Variants in CMSS1 observed in about 807,000 individuals in gnomAD.
The protein encoded by CMSS1 is protein CMSS1.
CMSS1 carries 33 observed loss-of-function variants against 43.5 expected under a neutral mutation model. The observed-to-expected ratio is 0.76, with a 90% CI of 0.57 to 1.01. The LOEUF (loss-of-function observed/expected upper bound fraction) is 1.01, where lower values mean the gene tolerates loss of function less well. Ranked by LOEUF, CMSS1 falls within the 50% of genes least tolerant of loss-of-function variation. The pLI is 0.00. For missense variants in CMSS1, 313 were observed against 326.4 expected, an observed-to-expected ratio of 0.96 and a Z score of 0.32; for synonymous variants, 115 against 117.2, an observed-to-expected ratio of 0.98 and a Z score of 0.12.
At chr3:100,173,915 G>A (rs1276488705) in intron 8 of CMSS1, among the ~76,000 whole-genome samples, 6 of 152,098 alleles carry the variant, frequency 3.9e-5, no homozygotes, top group Admixed American at 1.3e-4. Context: ...TTCTTTGTGC[G>A]AACAACAGGG....
intron 1 of CMSS1, chr3:99,848,950 T>TCTA: frequency 6.2e-7 from 1 of 1,614,154 alleles, no homozygotes; most frequent in African/African-American, 1.3e-5. Context: ...TTGTACATGG[T>TCTA]CTGGAGTAAC....
At chr3:99,924,570 G>C (rs1374788371) in intron 1 of CMSS1, among the ~76,000 whole-genome samples, 1 of 152,184 alleles carries the variant, frequency 6.6e-6, no homozygotes, top group African/African-American at 2.4e-5. Context: ...CCAGGCTGGA[G>C]TGCAATGGCG....
chr3:99,930,080 T>G (rs751971239), intron 1 of CMSS1: 6 of 1,458,992 alleles, frequency 4.1e-6, no homozygotes, highest in Non-Finnish European at 5.5e-6. Flanking sequence ...ACCAGCAGTC[T>G]CAGCAAGTGA....
At position 99,862,485 on chromosome 3, in the gene CMSS1, C is replaced by T. The variant is rs151038751; in HGVS notation, c.64+44442C>T. ...GTCATTTTAGGTCAGAGTTTCTCAG[C>T]CTTAGCATTGTTGACATTTTGGTTA... On this transcript the variant is annotated intron_variant, in intron 1 of 9. Transcript: ENST00000421999. 4.5e-3 allele frequency among the ~76,000 whole-genome samples: 686 copies of T among 152,292 alleles called. 7 individuals carry two copies. Among genetic ancestry groups the T allele is most frequent in the African/African-American group, 0.016 (672 of 41,558 alleles).
chr3:99,917,030 A>C (rs1252520759), intron 1 of CMSS1, among the ~76,000 whole-genome samples: 1 of 152,244 alleles, frequency 6.6e-6, no homozygotes, highest in South Asian at 2.1e-4. Context: ...ATTCCTCTTT[A>C]TATTTTTTAG....
At chr3:100,036,862 G>T (rs938371055) in intron 1 of CMSS1, among the ~76,000 whole-genome samples, 3 of 152,094 alleles carry the variant, frequency 2.0e-5, no homozygotes, top group Non-Finnish European at 4.4e-5. Flanking sequence ...TTGATATTAC[G>T]CAGTGAGAAA....
intron 1 of CMSS1, among the ~76,000 whole-genome samples, chr3:100,061,979 C>T (rs2065574644): frequency 6.6e-6 from 1 of 151,994 alleles, no homozygotes; most frequent in East Asian, 1.9e-4. Flanking sequence ...GACTACTACC[C>T]ATCTCCACAA....
intron 1 of CMSS1, among the ~76,000 whole-genome samples, chr3:99,935,265 C>CAAAA (rs34961153): frequency 4.2e-5 from 6 of 143,934 alleles, no homozygotes; most frequent in African/African-American, 1.5e-4. Flanking sequence ...TTCAGGGTAC[C>CAAAA]AAAAAAAAAA....
At chr3:99,824,278 G>A (rs1469297875) in intron 1 of CMSS1, among the ~76,000 whole-genome samples, 1 of 152,090 alleles carries the variant, frequency 6.6e-6, no homozygotes, top group East Asian at 1.9e-4. Flanking sequence ...TCAGAGTGGC[G>A]CTTCCTGATC....
chr3:100,098,265 A>C (rs1290435176), intron 1 of CMSS1, among the ~76,000 whole-genome samples: 1 of 152,216 alleles, frequency 6.6e-6, no homozygotes, highest in Non-Finnish European at 1.5e-5. Context: ...CTTCAGTAGA[A>C]GGAGGTAACG....
At chr3:100,091,999 T>C (rs181809317) in intron 1 of CMSS1, among the ~76,000 whole-genome samples, 22 of 152,322 alleles carry the variant, frequency 1.4e-4, no homozygotes, top group African/African-American at 5.1e-4. Context: ...AGTTGCTTGA[T>C]CTCTCTGGAC....
intron 1 of CMSS1, among the ~76,000 whole-genome samples, chr3:100,106,625 G>A (rs186238311): frequency 6.6e-6 from 1 of 152,254 alleles, no homozygotes; most frequent in East Asian, 1.9e-4. Flanking sequence ...GTGTTTCCCT[G>A]GTAAGGGCTG....
chr3:100,094,878 C>T (rs573713182), intron 1 of CMSS1, among the ~76,000 whole-genome samples: 4 of 151,674 alleles, frequency 2.6e-5, no homozygotes, highest in East Asian at 1.9e-4. Flanking sequence ...TTAGTAGAGA[C>T]GGGGTTTTAT....
intron 1 of CMSS1, among the ~76,000 whole-genome samples, chr3:99,896,500 A>G (rs550885625): frequency 4.1e-4 from 62 of 152,320 alleles, no homozygotes; most frequent in Non-Finnish European, 6.8e-4. Flanking sequence ...GAGGCTTCAT[A>G]CAGAGTCCTT....
chr3:99,942,597 C>T (rs543447749), intron 1 of CMSS1, among the ~76,000 whole-genome samples: 50 of 152,216 alleles, frequency 3.3e-4, no homozygotes, highest in African/African-American at 1.2e-3. Context: ...TTTGGGAGAC[C>T]GAGGCGGGCG....
At chr3:100,149,803 G>C (rs1434162795) in intron 2 of CMSS1, among the ~76,000 whole-genome samples, 1 of 152,130 alleles carries the variant, frequency 6.6e-6, no homozygotes, top group Non-Finnish European at 1.5e-5. Context: ...ATGAAGGAAT[G>C]AATGACCATA....
At chr3:99,860,887 T>C (rs1297967715) in intron 1 of CMSS1, among the ~76,000 whole-genome samples, 5 of 152,216 alleles carry the variant, frequency 3.3e-5, no homozygotes, top group Admixed American at 3.3e-4. Flanking sequence ...ACCGTGAATA[T>C]TGTGCCTCTC....
chr3:100,115,905 C>G (rs923584558), intron 1 of CMSS1, among the ~76,000 whole-genome samples: 1 of 152,090 alleles, frequency 6.6e-6, no homozygotes. Context: ...TGCCTTGTCT[C>G]TACGTTCCTT....
At chr3:100,075,402 T>C (rs2065834510) in intron 1 of CMSS1, among the ~76,000 whole-genome samples, 1 of 152,174 alleles carries the variant, frequency 6.6e-6, no homozygotes, top group Non-Finnish European at 1.5e-5. Flanking sequence ...CGAGCAGAGA[T>C]TCCACTTTTA....
Sources: gnomAD v4.1 joint callset for allele counts (sites outside exome capture counted in the v4.1 genomes callset) on GRCh38, gnomAD v4.1.1 for gene constraint, MANE v1.5 for transcripts, NCBI Gene and HGNC (gene_info 2026-07-23, HGNC 2026-07-21) for gene names.